The following STAT2 variants were observed in gnomAD, a reference collection of about 807,000 sequenced individuals.
STAT2 encodes the protein signal transducer and activator of transcription 2.
A neutral mutation model predicts 122.3 loss-of-function variants in STAT2; 51 were observed. The ratio of observed to expected loss-of-function variants is 0.42; its 90% CI spans 0.33 to 0.53. STAT2 has a LOEUF of 0.53. Among genes scored for constraint, STAT2 ranks in the 20% least tolerant of loss-of-function variants. The pLI, the probability that STAT2 is intolerant of heterozygous loss-of-function variation, is 0.10. For synonymous variants in STAT2, 351 were observed against 394.9 expected, an observed-to-expected ratio of 0.89 and a Z score of 1.32; for missense variants, 736 against 1,010.3, an observed-to-expected ratio of 0.73 and a Z score of 3.68.
At chr12:56,352,349 C>CTTTTTT (rs76024169) in intron 8 of STAT2, 5 of 21,074 alleles carry the variant, frequency 2.4e-4, no homozygotes, top group Admixed American at 1.6e-3. Flanking sequence ...TTGTAACTAT[C>CTTTTTT]TTTTTTTTTT....
chr12:56,350,042 CCGTCTCA>C (rs1878206729), intron 13 of STAT2, 48 bp downstream of exon 13: 1 of 1,470,424 alleles, frequency 6.8e-7, no homozygotes, highest in Non-Finnish European at 9.5e-7. Flanking sequence ...GAGTGAGACT[CCGTCTCA>C]AAAAAATAAA....
At chr12:56,357,657 T>G (rs1301861073) in intron 1 of STAT2, among the ~76,000 whole-genome samples, 2 of 151,988 alleles carry the variant, frequency 1.3e-5, no homozygotes, top group African/African-American at 4.8e-5. Context: ...CCCCAACCTG[T>G]ATTTTAATAG....
chr12:56,356,097 A>G, intron 3 of STAT2, 35 bp downstream of exon 3: 1 of 1,606,156 alleles, frequency 6.2e-7, no homozygotes, highest in Non-Finnish European at 8.5e-7. Context: ...CTCAGCTCCC[A>G]GTGCTACCCC....
intron 3 of STAT2, 136 bp from the exon 4 acceptor site, chr12:56,355,939 A>T (rs1158721232): frequency 8.3e-7 from 1 of 1,210,378 alleles, no homozygotes; most frequent in African/African-American, 1.5e-5. Flanking sequence ...TCACCATAGC[A>T]TCCTCCCAAC....
At chr12:56,347,451 A>C (rs1380569975) in intron 19 of STAT2, among the ~76,000 whole-genome samples, 1 of 152,070 alleles carries the variant, frequency 6.6e-6, no homozygotes, top group Non-Finnish European at 1.5e-5. Context: ...TCAGCCTCCC[A>C]AAATGCTAGG....
At chr12:56,344,246 G>A (rs1877015856) in intron 22 of STAT2, 111 bp from the exon 23 acceptor site, 2 of 1,413,614 alleles carry the variant, frequency 1.4e-6, no homozygotes. Context: ...GAGGGCTAAA[G>A]AGCATGGGTT....
intron 23 of STAT2, 105 bp downstream of exon 23, chr12:56,343,720 T>C: frequency 6.5e-7 from 1 of 1,549,308 alleles, no homozygotes; most frequent in Middle Eastern, 1.8e-4. Flanking sequence ...AATGGACCTC[T>C]CTCCAATGAG....
chr12:56,349,366 C>T (rs370491658), intron 15 of STAT2, 60 bp downstream of exon 15: 3 of 1,614,074 alleles, frequency 1.9e-6, no homozygotes, highest in Non-Finnish European at 2.5e-6. Context: ...TCTGTTTATC[C>T]CCTTCTTATG....
chr12:56,343,726 A>G (rs1876915709), intron 23 of STAT2, 99 bp downstream of exon 23: 2 of 1,562,148 alleles, frequency 1.3e-6, no homozygotes, highest in South Asian at 2.4e-5. Context: ...CCTCTCTCCA[A>G]TGAGGAGCTT....
intron 8 of STAT2, among the ~76,000 whole-genome samples, chr12:56,353,650 C>T (rs1210707308): frequency 6.6e-6 from 1 of 151,722 alleles, no homozygotes; most frequent in Non-Finnish European, 1.5e-5. Context: ...ATTATGTTAC[C>T]ACCATATAGG....
chr12:56,349,007 G>A lies in STAT2; in HGVS notation c.1493C>T (p.Pro498Leu), dbSNP rs1310929672. The change falls in exon 17 of 24, where the codon CCT becomes CTT. Residue 498 changes from proline to leucine, a missense_variant. Coordinates refer to ENST00000314128, the MANE Select transcript of STAT2 (RefSeq NM_005419.4). ...PPKAPWSLLG[P>L]ALSWQFSSYV... is the part of the protein sequence containing the mutation. ...GGAGGAGAACTGCCAACTGAGAGCA[G>A]GGCCCAGCAAGCTCCAGGGGGCCTT... is the stretch of plus-strand genomic sequence containing the variant. The A allele has an allele frequency of 1.9e-6, 3 of 1,613,956 alleles. No homozygotes were observed. The highest frequency in any genetic ancestry group is 2.5e-6 in the Non-Finnish European group (3 of 1,179,962).
At position 56,346,951 on chromosome 12, in the gene STAT2, T is replaced by C. The variant is rs1340159615; in HGVS notation, c.1729A>G (p.Ile577Val). The change falls in exon 20 of 24, where the codon ATC (isoleucine) becomes GTC (valine). Residue 577 changes from isoleucine to valine, a missense_variant. By Grantham distance (29) the Ile-to-Val change is conservative (BLOSUM62 3). Transcript: ENST00000314128. ...HLKDLWNDGRIMGFVSRSQER... is the reference protein window; with the variant it reads ...HLKDLWNDGRVMGFVSRSQER... ...TGGCTCCGACTCACAAAGCCCATGATGCGTCTGGAGCACAGAGAGCAGCTG... is the reference window on the plus strand; with the variant it reads ...TGGCTCCGACTCACAAAGCCCATGACGCGTCTGGAGCACAGAGAGCAGCTG... 6.2e-7 allele frequency: 1 copy of C among 1,614,048 alleles called. No homozygotes were observed. Among genetic ancestry groups the C allele is most frequent in the East Asian group, 2.2e-5 (1 of 44,898 alleles).
chr12:56,346,116 G>C lies in STAT2; in HGVS notation c.2102+30C>G, dbSNP rs542186468. ...ACTGAAGCAGAGCCAAAAAGGATTA[G>C]GGAGGATGAATGAAGAGTTCATATC... is the stretch of plus-strand genomic sequence containing the variant. On this transcript the variant is annotated intron_variant, in intron 22 of 23. Coordinates refer to ENST00000314128, the MANE Select transcript of STAT2 (RefSeq NM_005419.4). The C allele has an allele frequency of 6.2e-6, 10 of 1,613,944 alleles. No individual in the cohort carries two copies. The South Asian group carries it at 7.7e-5, about 12-fold the overall frequency.
Position 56,358,866 on chromosome 12 carries a change from A to G in STAT2, c.-8+1192T>C, listed in dbSNP as rs1879933665. Among the ~76,000 whole-genome samples, 3 of 152,160 alleles carry G rather than the reference A, an allele frequency of 2.0e-5. No individual in the cohort carries two copies. The South Asian group carries it at 6.2e-4, about 32-fold the overall frequency. On this transcript the variant is annotated intron_variant, in intron 1 of 23. Transcript: ENST00000314128. Reference sequence around the variant, plus strand: ...AGCAGAGATCACATCACTACACTCCAGCCTGGGTGACAAAGCAAGACTCTG... The same window carrying G: ...AGCAGAGATCACATCACTACACTCCGGCCTGGGTGACAAAGCAAGACTCTG...
At position 56,356,553 on chromosome 12, in the gene STAT2, G is replaced by C; in HGVS notation, c.19C>G (p.Leu7Val). The C allele has an allele frequency of 6.2e-7, 1 of 1,614,212 alleles. No homozygotes were observed. The highest frequency in any genetic ancestry group is 1.7e-5 in the Admixed American group (1 of 60,014). MAQWEMLQNLDSPFQDQ... is the reference protein window; with the variant it reads MAQWEMVQNLDSPFQDQ... Reference sequence around the variant, plus strand: ...TGAAAGGGGCTGTCAAGATTCTGCAGCATTTCCCACTGCGCCATTTGGGCT... The same window carrying C: ...TGAAAGGGGCTGTCAAGATTCTGCACCATTTCCCACTGCGCCATTTGGGCT... The change falls in exon 2 of 24, where the codon CTG becomes GTG. Residue 7 changes from leucine (L) to valine (V), a missense_variant. By Grantham distance (32) the Leu-to-Val change is conservative. Coordinates refer to ENST00000314128, the MANE Select transcript of STAT2 (RefSeq NM_005419.4).
rs56233097 is a variant in STAT2, at chr12:56,356,360, G to GT, written c.132-76_132-75insA. 1.2e-5 allele frequency: 20 copies of GT among 1,605,090 alleles called. No individual in the cohort carries two copies. In the East Asian group the frequency reaches 4.5e-4, roughly 36 times the overall value. On this transcript the variant is annotated intron_variant, in intron 2 of 23. Coordinates refer to ENST00000314128, the MANE Select transcript of STAT2 (RefSeq NM_005419.4). ...TCCTGAGGCTTTCCAACCCCTTCCT[G>GT]CCATTAATGATTCCAGGATCCCGGG...
intron 3 of STAT2, 152 bp downstream of exon 3, chr12:56,355,980 C>T: frequency 7.9e-7 from 1 of 1,264,004 alleles, no homozygotes; most frequent in South Asian, 1.4e-5. Context: ...CTTCTCTCTG[C>T]TAGTGATTCC....
At chr12:56,349,123 C>T (rs1246880680) in intron 16 of STAT2, 40 bp downstream of exon 16, 6 of 1,613,926 alleles carry the variant, frequency 3.7e-6, no homozygotes, top group Non-Finnish European at 5.1e-6. Flanking sequence ...CTTCCACACC[C>T]CTCCTCTCGC....
At chr12:56,343,733 G>A in intron 23 of STAT2, 92 bp downstream of exon 23, 1 of 1,564,496 alleles carries the variant, frequency 6.4e-7, no homozygotes, top group Non-Finnish European at 8.7e-7. Flanking sequence ...CCAATGAGGA[G>A]CTTGGAGTTC....
Sources: allele counts gnomAD v4.1 joint callset (sites outside exome capture counted in the v4.1 genomes callset), GRCh38; gene constraint gnomAD v4.1.1; transcripts MANE v1.5; gene names NCBI Gene and HGNC (gene_info 2026-07-23, HGNC 2026-07-21).